The following ECPAS variants were observed in gnomAD, a reference collection of about 807,000 sequenced individuals.
ECPAS encodes the protein proteasome adapter and scaffold protein ECM29.
A neutral mutation model predicts 255.1 loss-of-function variants in ECPAS; 70 were observed. The ratio of observed to expected loss-of-function variants is 0.27; its 90% confidence interval spans 0.23 to 0.33. The LOEUF (loss-of-function observed/expected upper bound fraction) is 0.33, where lower values mean the gene tolerates loss of function less well. ECPAS is among the 10% of genes least tolerant of loss of function. The probability of loss-of-function intolerance (pLI) is 1.00; values close to 1 mark genes in which losing one functional copy is unlikely to be tolerated. For synonymous variants in ECPAS, 784 were observed against 775.0 expected (o/e 1.01, Z -0.19); for missense variants, 1,817 against 2,206.4 (o/e 0.82, Z 3.54).
At chr9:111,480,935 A>G (rs957234313) in intron 1 of ECPAS, among the ~76,000 whole-genome samples, 9 of 152,236 alleles carry the variant, frequency 5.9e-5, no homozygotes, top group African/African-American at 2.2e-4. Context: ...CACTGCATAG[A>G]CACAAATACT....
chr9:111,385,417 T>C lies in ECPAS; in HGVS notation c.3553A>G (p.Arg1185Gly), dbSNP rs1372571147. 6.4e-7 allele frequency: 1 copy of C among 1,571,216 alleles called. No homozygotes were observed. Among genetic ancestry groups the C allele is most frequent in the Admixed American group, 1.9e-5 (1 of 53,756 alleles). ...SSCLALNDLLRGRPLDDIIDK... is the reference protein window; with the variant it reads ...SSCLALNDLLGGRPLDDIIDK... ...ATGATGTCATCTAAGGGTCTTCCTC[T>C]CAATAAATCATTCAAAGCTAAACAG... The change falls in exon 33 of 50, where the codon AGA becomes GGA. Residue 1185 changes from arginine to glycine, a missense_variant. Coordinates refer to ENST00000684092, the MANE Select transcript of ECPAS (RefSeq NM_001364929.1).
rs2098113225 is a variant in ECPAS, at chr9:111,361,526, A to G, written c.*504T>C. The G allele has an allele frequency of 6.6e-6, 1 of 152,418 alleles. No homozygotes were observed. The highest frequency in any genetic ancestry group is 1.5e-5 in the Non-Finnish European group (1 of 68,194). 9.4% of individuals were successfully genotyped at this position (152,418 alleles called of 1,614,324 possible). ...GTTAGCACTGATTTGGCAGATGGCC[A>G]TAAAAGAAAGTATCCAGGGCCAGAC... On this transcript the variant is annotated 3_prime_UTR_variant, in exon 50 of 50. Transcript: ENST00000684092.
Position 111,442,415 on chromosome 9 carries a change from TA to T in ECPAS, c.279del (p.Ile94Ter). On this transcript the variant is annotated frameshift_variant, in exon 5 of 50. Coordinates refer to ENST00000684092, the MANE Select transcript of ECPAS (RefSeq NM_001364929.1). LOFTEE classifies it high-confidence loss of function. ...GGATAGCCCATTTTAACATAAATTA[TA>T]GTAAAATTCTAATGCAATAAGAGAA... Reference protein sequence around the residue: ...PAAVSFVTNFTIIYVKMGYPR... With the variant: ...PAAVSFVTNFXIIYVKMGYPR... 6.3e-7 allele frequency: 1 copy of T among 1,590,392 alleles called. No homozygotes were observed. The highest frequency in any genetic ancestry group is 8.6e-7 in the Non-Finnish European group (1 of 1,161,846).
intron 2 of ECPAS, among the ~76,000 whole-genome samples, chr9:111,458,812 C>T (rs995878829): frequency 2.0e-5 from 3 of 152,202 alleles, no homozygotes; most frequent in Non-Finnish European, 4.4e-5. Context: ...GGAAAGTACC[C>T]TGACACAACA....
In ECPAS at chr9:111,372,425, T is replaced by C; in HGVS notation, c.4528+4A>G. On this transcript the variant is annotated splice_donor_region_variant and intron_variant, in intron 42 of 49. Transcript: ENST00000684092. ...GCAGGTTTAACTCAGGCCACACTACTAACCAGGTACGTTTTCCTGCCACAC... is the reference window on the plus strand; with the variant it reads ...GCAGGTTTAACTCAGGCCACACTACCAACCAGGTACGTTTTCCTGCCACAC... The C allele has an allele frequency of 6.2e-7, 1 of 1,613,108 alleles. No individual in the cohort carries two copies. Among genetic ancestry groups the C allele is most frequent in the Non-Finnish European group, 8.5e-7 (1 of 1,179,324 alleles).
intron 18 of ECPAS, 35 bp from the exon 19 acceptor site, chr9:111,414,686 T>G: frequency 6.4e-7 from 1 of 1,568,484 alleles, no homozygotes. Context: ...CTGCATAAGC[T>G]TCTCGAAAAG....
chr9:111,374,538 C>T (rs2098131180), intron 38 of ECPAS, among the ~76,000 whole-genome samples: 1 of 152,168 alleles, frequency 6.6e-6, no homozygotes, highest in African/African-American at 2.4e-5. Context: ...GAAGGAAACA[C>T]TTCAAAATAT....
At chr9:111,472,852 G>C (rs546492819) in intron 2 of ECPAS, 45 bp downstream of exon 2, 1 of 639,126 alleles carries the variant, frequency 1.6e-6, no homozygotes, top group Non-Finnish European at 2.3e-6. Flanking sequence ...TTTAAATGCT[G>C]CTACAAAAAA....
At chr9:111,446,923 C>G (rs118039528) in intron 3 of ECPAS, among the ~76,000 whole-genome samples, 1 of 152,120 alleles carries the variant, frequency 6.6e-6, no homozygotes, top group Non-Finnish European at 1.5e-5. Flanking sequence ...ATACTTCATC[C>G]GAGCTTCCTA....
intron 2 of ECPAS, among the ~76,000 whole-genome samples, chr9:111,458,552 G>A (rs2098269574): frequency 6.6e-6 from 1 of 152,038 alleles, no homozygotes; most frequent in East Asian, 1.9e-4. Context: ...CTCAGGATGG[G>A]GGTTGATCAC....
intron 9 of ECPAS, among the ~76,000 whole-genome samples, chr9:111,428,666 G>A (rs186339278): frequency 6.6e-6 from 1 of 151,938 alleles, no homozygotes; most frequent in Admixed American, 6.6e-5. Context: ...GCTTTCTTAG[G>A]TAATTGTGGA....
chr9:111,398,185 G>C (rs138371108), intron 24 of ECPAS, among the ~76,000 whole-genome samples: 34 of 152,290 alleles, frequency 2.2e-4, no homozygotes, highest in African/African-American at 7.9e-4. Context: ...GAGGCATCAC[G>C]TACTAATGCC....
At chr9:111,439,099 G>C (rs949419501) in intron 6 of ECPAS, among the ~76,000 whole-genome samples, 10 of 152,158 alleles carry the variant, frequency 6.6e-5, no homozygotes, top group African/African-American at 2.4e-4. Context: ...ATCTACTAGG[G>C]GAGATGGAAA....
At chr9:111,424,928 G>A (rs1289521335) in intron 12 of ECPAS, among the ~76,000 whole-genome samples, 1 of 152,184 alleles carries the variant, frequency 6.6e-6, no homozygotes, top group Non-Finnish European at 1.5e-5. Flanking sequence ...CCAGCACTTA[G>A]GGAGGCCGAG....
intron 12 of ECPAS, among the ~76,000 whole-genome samples, chr9:111,424,763 C>T (rs2098219027): frequency 6.6e-6 from 1 of 152,174 alleles, no homozygotes; most frequent in Non-Finnish European, 1.5e-5. Flanking sequence ...CCAACACAAG[C>T]CAAATCCAAA....
intron 12 of ECPAS, among the ~76,000 whole-genome samples, chr9:111,425,204 T>C (rs962016589): frequency 6.0e-5 from 9 of 151,070 alleles, no homozygotes; most frequent in Admixed American, 2.0e-4. Context: ...AAAAAAGATA[T>C]AGTAAGACCT....
intron 7 of ECPAS, among the ~76,000 whole-genome samples, chr9:111,434,189 A>T (rs191351177): frequency 6.6e-6 from 1 of 152,358 alleles, no homozygotes; most frequent in Non-Finnish European, 1.5e-5. Context: ...AACAGATCAA[A>T]AAAGGGCCTG....
chr9:111,390,310 A>G (rs541608732), intron 29 of ECPAS, among the ~76,000 whole-genome samples: 117 of 152,306 alleles, frequency 7.7e-4, no homozygotes, highest in African/African-American at 2.7e-3. Context: ...GCCCCTCTAC[A>G]TTGCTGCTGA....
At chr9:111,477,109 CT>C (rs1010788035) in intron 1 of ECPAS, among the ~76,000 whole-genome samples, 28 of 150,994 alleles carry the variant, frequency 1.9e-4, no homozygotes, top group Non-Finnish European at 3.1e-4. Flanking sequence ...GTCCTTTTTT[CT>C]TTTTTTTCTT....
Sources: gnomAD v4.1 joint callset for allele counts (sites outside exome capture counted in the v4.1 genomes callset) on GRCh38, gnomAD v4.1.1 for gene constraint, MANE v1.5 for transcripts, NCBI Gene and HGNC (gene_info 2026-07-23, HGNC 2026-07-21) for gene names.